The following EPB41L1 variants were observed in gnomAD, a reference collection of about 807,000 sequenced individuals.
EPB41L1 encodes the protein erythrocyte membrane protein band 4.1 like 1.
Under a neutral mutation model 97.8 loss-of-function variants are expected in EPB41L1, and 29 were observed. That is an observed-to-expected ratio of 0.30 (90% CI 0.22 to 0.40). The LOEUF is 0.40. EPB41L1 is among the 10% of genes least tolerant of loss of function. The pLI is 1.00. For synonymous variants in EPB41L1, 383 were observed against 459.2 expected (o/e 0.83, Z 2.12); for missense variants, 812 against 1,162.3 (o/e 0.70, Z 4.38).
In EPB41L1 at chr20:36,190,185, C is replaced by CATTAAACAA; in HGVS notation, c.1027-89_1027-81dup. ...ATCGAGACCCTGTGTCTCAAAAAAA[C>CATTAAACAA]ATTAAACAAATAAAATAAAAAACAC... On this transcript the variant is annotated intron_variant, in intron 9 of 21. Transcript: ENST00000338074. The surrounding 1 kb of genome is among the most constrained non-coding windows in gnomAD (Gnocchi z 5.8). The CATTAAACAA allele has an allele frequency of 9.2e-7, 1 of 1,082,158 alleles. No individual in the cohort carries two copies. The highest frequency in any genetic ancestry group is 1.3e-5 in the South Asian group (1 of 74,518). 67.0% of individuals were successfully genotyped at this position (1,082,158 alleles called of 1,614,324 possible).
intron 1 of EPB41L1, among the ~76,000 whole-genome samples, chr20:36,108,154 A>AT (rs939515028): frequency 1.3e-5 from 2 of 151,474 alleles, no homozygotes; most frequent in African/African-American, 4.9e-5. Flanking sequence ...AAATTTTTTT[A>AT]TTTTTTGTAG....
At chr20:36,111,793 A>AG (rs1359156385) in intron 1 of EPB41L1, among the ~76,000 whole-genome samples, 19 of 151,596 alleles carry the variant, frequency 1.3e-4, no homozygotes, top group African/African-American at 4.4e-4. Context: ...TCTCAAAAAA[A>AG]AAAAAAAAAA....
chr20:36,218,323 C>G (rs1427815176), intron 17 of EPB41L1, among the ~76,000 whole-genome samples: 1 of 152,152 alleles, frequency 6.6e-6, no homozygotes, highest in African/African-American at 2.4e-5. Context: ...AAAATGATGC[C>G]TCGCACATAG....
intron 1 of EPB41L1, among the ~76,000 whole-genome samples, chr20:36,095,370 A>G (rs2057795281): frequency 6.6e-6 from 1 of 152,154 alleles, no homozygotes; most frequent in African/African-American, 2.4e-5. Context: ...CGCCTCCCAA[A>G]GTGCTGGGAT....
Position 36,209,954 on chromosome 20 carries a change from C to T in EPB41L1, c.2079+56C>T. 6.3e-7 allele frequency: 1 copy of T among 1,590,446 alleles called. No homozygotes were observed. Among genetic ancestry groups the T allele is most frequent in the South Asian group, 1.1e-5 (1 of 88,144 alleles). On this transcript the variant is annotated intron_variant, in intron 15 of 21. Coordinates refer to ENST00000338074, the MANE Select transcript of EPB41L1 (RefSeq NM_012156.2). The surrounding 1 kb of genome is among the most constrained non-coding windows in gnomAD (Gnocchi z 4.2). ...CGCTGGGCACCGCATGCTCAGAGGG[C>T]CCTGGGCCACCCGTGAGAAGACCGA...
intron 1 of EPB41L1, among the ~76,000 whole-genome samples, chr20:36,169,987 G>C (rs1420686871): frequency 6.6e-6 from 1 of 152,208 alleles, no homozygotes; most frequent in African/African-American, 2.4e-5. Flanking sequence ...CGCACAGCAG[G>C]CTCCATCAGT....
intron 16 of EPB41L1, 117 bp from the exon 17 acceptor site, chr20:36,214,240 C>A (rs1038717424): frequency 2.7e-6 from 2 of 742,898 alleles, no homozygotes. Flanking sequence ...AGCCCCCTGC[C>A]AGTGATGTTC....
In EPB41L1 at chr20:36,219,826, C is replaced by T. The variant is rs935118062; in HGVS notation, c.2421C>T (p.Thr807=). 5 of 1,614,096 alleles carry T rather than the reference C, an allele frequency of 3.1e-6. No individual in the cohort carries two copies. The highest frequency in any genetic ancestry group is 3.3e-5 in the Admixed American group (2 of 60,014). The stretch of plus-strand genomic sequence containing the variant: ...CTGCGGAAACCCTCTCAACCTCCAC[C>T]ACCACCCATGTCACCAAAGTGAGTA... The part of the protein sequence containing the change: ...GATAETLSTS[T]TTHVTKTVKG... Residue 807 remains threonine (T), a synonymous_variant, in exon 19 of 22, where the codon ACC becomes ACT. Transcript: ENST00000338074.
chr20:36,120,402 G>A (rs1305480483), intron 2 of EPB41L1, among the ~76,000 whole-genome samples: 1 of 152,210 alleles, frequency 6.6e-6, no homozygotes, highest in Non-Finnish European at 1.5e-5. Flanking sequence ...AAGACTGAGT[G>A]AGCAAAGAGG....
intron 1 of EPB41L1, among the ~76,000 whole-genome samples, chr20:36,104,550 T>A (rs1601228855): frequency 6.6e-6 from 1 of 151,214 alleles, no homozygotes. Context: ...GCAGAGAGAG[T>A]GGGGACCAGG....
At chr20:36,170,285 A>G (rs375718995) in intron 1 of EPB41L1, among the ~76,000 whole-genome samples, 51 of 152,300 alleles carry the variant, frequency 3.3e-4, no homozygotes, top group Middle Eastern at 6.8e-3. Context: ...CATTCAAGGA[A>G]TCTCCAAGTA....
At chr20:36,208,225 C>G in intron 14 of EPB41L1, 1 of 349,530 alleles carries the variant, frequency 2.9e-6, no homozygotes, top group Admixed American at 3.8e-5. Context: ...TTCCATCCTT[C>G]ACTTCTGGTT....
intron 2 of EPB41L1, among the ~76,000 whole-genome samples, chr20:36,141,977 G>T (rs1338385068): frequency 5.9e-5 from 4 of 67,986 alleles, no homozygotes; most frequent in Non-Finnish European, 1.0e-4. Context: ...GCGTGGTGGC[G>T]GGGCACCTGT....
In EPB41L1 at chr20:36,207,297, C is replaced by A; in HGVS notation, c.1669-2191C>A. The A allele has an allele frequency of 1.6e-6, 2 of 1,282,558 alleles. No homozygotes were observed. The highest frequency in any genetic ancestry group is 2.5e-5 in the South Asian group (2 of 80,170). The allele number at this position is 1,282,558 out of a possible 1,614,324, so 79.4% of individuals were successfully genotyped here. On this transcript the variant is annotated intron_variant, in intron 14 of 21. Coordinates refer to ENST00000338074, the MANE Select transcript of EPB41L1 (RefSeq NM_012156.2). This position sits in a 1 kb window ranked among gnomAD's most constrained non-coding sequence, Gnocchi z 4.9. The stretch of plus-strand genomic sequence containing the variant: ...GTGAGCGCAGGCCTCCTCCCATCAC[C>A]AGCAGAAAGCCCAGAGTAGTCCCTG...
At chr20:36,147,408 C>T (rs115715418) in intron 2 of EPB41L1, among the ~76,000 whole-genome samples, 1,554 of 152,268 alleles carry the variant, frequency 0.01, 30 homozygotes, top group African/African-American at 0.036. Context: ...CCAGAATAAA[C>T]CTGTGTGAAG....
chr20:36,129,478 C>T (rs2059106979), intron 2 of EPB41L1, among the ~76,000 whole-genome samples: 1 of 152,092 alleles, frequency 6.6e-6, no homozygotes, highest in Admixed American at 6.5e-5. Context: ...TTCTTGGCAC[C>T]TGGTTTGCAT....
Position 36,173,652 on chromosome 20 carries a change from C to T in EPB41L1, c.-14-112C>T, listed in dbSNP as rs556499983. ...CCTTCCTCCTCCCTTTGCCCTGTGA[C>T]TCTTTGTCCGTTTGCCTCCATCTGT... On this transcript the variant is annotated intron_variant, in intron 1 of 21. Coordinates refer to ENST00000338074, the MANE Select transcript of EPB41L1 (RefSeq NM_012156.2). 18 of 957,984 alleles carry T rather than the reference C, an allele frequency of 1.9e-5. 1 individual carries two copies. The South Asian group carries it at 2.4e-4, about 13-fold the overall frequency. The allele number at this position is 957,984 out of a possible 1,614,324, so 59.3% of individuals were successfully genotyped here. A position where few individuals can be genotyped will look rare whatever the true frequency, so the allele number is the denominator to read the frequency against.
chr20:36,205,001 T>C (rs900842234), intron 14 of EPB41L1, among the ~76,000 whole-genome samples: 2 of 152,210 alleles, frequency 1.3e-5, no homozygotes, highest in Non-Finnish European at 2.9e-5. Context: ...CCTTGATGCA[T>C]TCTATTGAGT....
intron 17 of EPB41L1, among the ~76,000 whole-genome samples, chr20:36,217,589 A>G (rs765195342): frequency 3.3e-5 from 5 of 152,280 alleles, no homozygotes; most frequent in Admixed American, 6.5e-5. Context: ...ATGAGAGAAT[A>G]AGAGGCTTTA....
Sources: allele counts gnomAD v4.1 joint callset (sites outside exome capture counted in the v4.1 genomes callset), GRCh38; gene constraint gnomAD v4.1.1; non-coding constraint Gnocchi (gnomAD v3.1); transcripts MANE v1.5; gene names NCBI Gene and HGNC (gene_info 2026-07-23, HGNC 2026-07-21).